Variants in ZFC3H1 observed in about 807,000 individuals in gnomAD.
ZFC3H1 encodes zinc finger C3H1 domain-containing protein.
A neutral mutation model predicts 243.7 loss-of-function variants in ZFC3H1; 71 were observed. The observed-to-expected ratio is 0.29, with a 90% CI of 0.24 to 0.36. The LOEUF (loss-of-function observed/expected upper bound fraction) is 0.36. Ranked by LOEUF, ZFC3H1 falls within the 10% of genes least tolerant of loss-of-function variation. The pLI is 1.00. For synonymous variants in ZFC3H1, 838 were observed against 813.0 expected, an observed-to-expected ratio of 1.03 and a Z score of -0.52; for missense variants, 1,966 against 2,317.1, an observed-to-expected ratio of 0.85 and a Z score of 3.11.
At chr12:71,642,363 T>G in intron 6 of ZFC3H1, 73 bp downstream of exon 6, 1 of 1,485,444 alleles carries the variant, frequency 6.7e-7, no homozygotes, top group Non-Finnish European at 9.0e-7. Flanking sequence ...TCTTTAAAGG[T>G]TTTGAGTACC....
chr12:71,632,827 AAAACTATCAT>A (rs1196133565), intron 14 of ZFC3H1, 49 bp downstream of exon 14: 3 of 1,591,660 alleles, frequency 1.9e-6, no homozygotes, highest in Middle Eastern at 1.7e-4. Flanking sequence ...TCTTACCCTT[AAAACTATCAT>A]AAAAACTTTC....
chr12:71,656,409 A>G (rs1881020258), intron 2 of ZFC3H1: 1 of 545,018 alleles, frequency 1.8e-6, no homozygotes, highest in Admixed American at 3.6e-5. Flanking sequence ...TACTAGAAAT[A>G]AATTATATAA....
chr12:71,654,014 A>AAAAC (rs1565828055), intron 2 of ZFC3H1, among the ~76,000 whole-genome samples: 2 of 152,216 alleles, frequency 1.3e-5, no homozygotes, highest in East Asian at 1.9e-4. Context: ...CTTTGTCTCA[A>AAAAC]AAACAAACAA....
At chr12:71,647,225 A>T (rs905503456) in intron 3 of ZFC3H1, among the ~76,000 whole-genome samples, 29 of 152,360 alleles carry the variant, frequency 1.9e-4, no homozygotes, top group Non-Finnish European at 1.6e-4. Context: ...AGTGCCTGTT[A>T]TACGTCAAAC....
intron 27 of ZFC3H1, among the ~76,000 whole-genome samples, chr12:71,616,321 A>G (rs940924032): frequency 4.6e-5 from 7 of 152,188 alleles, no homozygotes; most frequent in Non-Finnish European, 7.4e-5. Context: ...ACTAAACCTT[A>G]TATCTGAAAG....
At chr12:71,657,461 A>C (rs1881050229) in intron 1 of ZFC3H1, among the ~76,000 whole-genome samples, 160 bp from the exon 2 acceptor site, 2 of 152,210 alleles carry the variant, frequency 1.3e-5, no homozygotes, top group African/African-American at 4.8e-5. Flanking sequence ...ATGTGCAGCT[A>C]ATGCCCACTT....
intron 21 of ZFC3H1, 100 bp downstream of exon 21, chr12:71,627,651 T>C (rs1880203174): frequency 3.5e-6 from 4 of 1,135,480 alleles, no homozygotes; most frequent in Admixed American, 2.6e-5. Context: ...ACTCCATTGA[T>C]ACTAGGAAAG....
At chr12:71,630,298 T>G (rs1416365440) in intron 18 of ZFC3H1, among the ~76,000 whole-genome samples, 1 of 152,196 alleles carries the variant, frequency 6.6e-6, no homozygotes, top group Admixed American at 6.5e-5. Flanking sequence ...TAAATGGAAC[T>G]AAATATTTAA....
chr12:71,652,177 T>C (rs1412888506), intron 2 of ZFC3H1, among the ~76,000 whole-genome samples: 1 of 152,294 alleles, frequency 6.6e-6, no homozygotes, highest in South Asian at 2.1e-4. Flanking sequence ...TGGGGAAATA[T>C]ACATGTAGAA....
At chr12:71,658,953 A>ATT (rs1028286683) in intron 1 of ZFC3H1, among the ~76,000 whole-genome samples, 2 of 151,276 alleles carry the variant, frequency 1.3e-5, no homozygotes, top group Non-Finnish European at 3.0e-5. Context: ...TTCAAACTTT[A>ATT]TTTTTTTTTA....
intron 2 of ZFC3H1, among the ~76,000 whole-genome samples, chr12:71,653,181 T>C (rs1880934213): frequency 6.6e-6 from 1 of 151,772 alleles, no homozygotes; most frequent in South Asian, 2.1e-4. Flanking sequence ...AGAAGAAAAG[T>C]GGAAAGAATG....
Position 71,619,378 on chromosome 12 carries a change from C to T in ZFC3H1, c.5081G>A (p.Arg1694Gln). Residue 1694 changes from arginine (R) to glutamine (Q), a missense_variant, in exon 27 of 35, where the codon CGG (arginine) becomes CAG (glutamine). Transcript: ENST00000378743. ...TTTAAAGAAGGATGCAATAAATTTCCGCAAAAATGGAAGAAGATTATCGCC... is the reference window on the plus strand; with the variant it reads ...TTTAAAGAAGGATGCAATAAATTTCTGCAAAAATGGAAGAAGATTATCGCC... ...NRGDNLLPFLRKFIASFFKPG... is the reference protein window; with the variant it reads ...NRGDNLLPFLQKFIASFFKPG... 1.2e-6 allele frequency: 2 copies of T among 1,612,992 alleles called. No individual in the cohort carries two copies. The highest frequency in any genetic ancestry group is 1.7e-6 in the Non-Finnish European group (2 of 1,179,528).
At chr12:71,632,814 A>T in intron 14 of ZFC3H1, 72 bp downstream of exon 14, 1 of 1,561,460 alleles carries the variant, frequency 6.4e-7, no homozygotes. Flanking sequence ...CTTTATATAT[A>T]CATCTTACCC....
At chr12:71,638,605 T>A in intron 6 of ZFC3H1, 90 bp from the exon 7 acceptor site, 1 of 1,052,340 alleles carries the variant, frequency 9.5e-7, no homozygotes, top group Non-Finnish European at 1.4e-6. Flanking sequence ...GAAATACATC[T>A]AGGTGGAGTG....
At chr12:71,656,783 C>T in intron 2 of ZFC3H1, 102 bp downstream of exon 2, 1 of 1,207,766 alleles carries the variant, frequency 8.3e-7, no homozygotes, top group Non-Finnish European at 1.2e-6. Context: ...AAAGAATTTA[C>T]AGATAATTAC....
intron 31 of ZFC3H1, among the ~76,000 whole-genome samples, chr12:71,612,875 TG>T (rs1879806240): frequency 6.6e-6 from 1 of 152,164 alleles, no homozygotes; most frequent in African/African-American, 2.4e-5. Context: ...CCCTAATCAG[TG>T]CTTCAAAAAT....
At chr12:71,619,528 A>C in intron 26 of ZFC3H1, 119 bp from the exon 27 acceptor site, 1 of 836,304 alleles carries the variant, frequency 1.2e-6, no homozygotes, top group Non-Finnish European at 1.8e-6. Context: ...TGAGTGGGTA[A>C]GGGGCGGAGG....
In ZFC3H1 at chr12:71,635,530, A is replaced by C. The variant is rs201951411; in HGVS notation, c.2151T>G (p.Ser717Arg). 1 of 1,565,162 alleles carries C rather than the reference A, an allele frequency of 6.4e-7. No individual in the cohort carries two copies. Among genetic ancestry groups the C allele is most frequent in the Admixed American group, 2.1e-5 (1 of 46,862 alleles). The change falls in exon 10 of 35, where the codon AGT (serine) becomes AGG (arginine). Residue 717 changes from serine (S) to arginine (R), a missense_variant. By Grantham distance (110) the Ser-to-Arg change is moderately radical. This residue lies in a region of ZFC3H1 where 1,383 missense variants were observed against 1,723.7 expected (regional missense o/e 0.80). Coordinates refer to ENST00000378743, the MANE Select transcript of ZFC3H1 (RefSeq NM_144982.5). ...ACTTGGAAGCCTCTCCATCAGATTC[A>C]CTATCATCTGAATCATTTAGTGTTA... ...VVVTLNDSDDSESDGEASKST... is the reference protein window; with the variant it reads ...VVVTLNDSDDRESDGEASKST...
At chr12:71,642,934 T>C (rs1725854893) in intron 5 of ZFC3H1, among the ~76,000 whole-genome samples, 1 of 152,284 alleles carries the variant, frequency 6.6e-6, no homozygotes, top group Middle Eastern at 3.4e-3. Flanking sequence ...CACGACTACA[T>C]ACAGAATATT....
Sources: gnomAD v4.1 joint callset for allele counts (sites outside exome capture counted in the v4.1 genomes callset) on GRCh38, gnomAD v4.1.1 for gene constraint, gnomAD v4.1.1 regional missense constraint, MANE v1.5 for transcripts, NCBI Gene and HGNC (gene_info 2026-07-23, HGNC 2026-07-21) for gene names.